MIA2: variants seen among roughly 807,000 people sequenced by gnomAD.
MIA2 encodes melanoma inhibitory activity protein 2.
A neutral mutation model predicts 167.8 loss-of-function variants in MIA2; 127 were observed. The observed-to-expected ratio is 0.76, with a 90% CI of 0.66 to 0.88. The LOEUF is 0.88. Ranked by LOEUF, MIA2 falls within the 40% of genes least tolerant of loss-of-function variation. The pLI is 0.00. For missense variants in MIA2, 1,690 were observed against 1,624.7 expected, an observed-to-expected ratio of 1.04 and a Z score of -0.69; for synonymous variants, 552 against 541.9, an observed-to-expected ratio of 1.02 and a Z score of -0.26.
At chr14:39,269,047 C>G (rs58047088) in intron 6 of MIA2, 2 of 711,014 alleles carry the variant, frequency 2.8e-6, no homozygotes, top group African/African-American at 2.0e-5. Flanking sequence ...TTTCTCTAGT[C>G]TGGTGCGTTG....
intron 23 of MIA2, among the ~76,000 whole-genome samples, chr14:39,366,135 G>T (rs1030249782): frequency 6.6e-6 from 1 of 152,338 alleles, no homozygotes; most frequent in Admixed American, 6.5e-5. Context: ...TTAGGCTGTA[G>T]TTGTTAGTGG....
chr14:39,270,292 C>A (rs1308432303), intron 6 of MIA2, among the ~76,000 whole-genome samples: 2 of 151,122 alleles, frequency 1.3e-5, no homozygotes, highest in Non-Finnish European at 2.9e-5. Flanking sequence ...GCCTCCACCT[C>A]CCAGGTTCAA....
At chr14:39,370,525 T>C (rs1484755652) in intron 23 of MIA2, 4 of 327,290 alleles carry the variant, frequency 1.2e-5, no homozygotes, top group South Asian at 3.2e-5. Context: ...CAGATTGTCA[T>C]GGAGACTGCG....
chr14:39,301,847 T>C (rs923363122), intron 14 of MIA2, among the ~76,000 whole-genome samples: 7 of 152,224 alleles, frequency 4.6e-5, no homozygotes, highest in African/African-American at 1.7e-4. Flanking sequence ...GTGAGAAATG[T>C]CATATAAAAA....
intron 25 of MIA2, among the ~76,000 whole-genome samples, chr14:39,341,472 C>G (rs1384735814): frequency 6.6e-6 from 1 of 152,048 alleles, no homozygotes; most frequent in Non-Finnish European, 1.5e-5. Context: ...AGATGCTATC[C>G]AGAGTGTAAT....
chr14:39,259,440 G>A (rs1367635406), intron 6 of MIA2, among the ~76,000 whole-genome samples: 1 of 152,254 alleles, frequency 6.6e-6, no homozygotes, highest in East Asian at 1.9e-4. Context: ...TCTCCGCAAG[G>A]AGCCTTGGCA....
intron 6 of MIA2, among the ~76,000 whole-genome samples, chr14:39,262,440 C>G (rs1032387424): frequency 2.0e-4 from 31 of 152,312 alleles, no homozygotes; most frequent in African/African-American, 7.5e-4. Context: ...AGTTTGAAGT[C>G]AGGTAGCATG....
rs560788791 is a variant in MIA2 at position 39,251,816 on chromosome 14, G to A, written c.1568-932G>A. Among the ~76,000 whole-genome samples the A allele has an allele frequency of 3.9e-5, 6 of 152,254 alleles. No individual in the cohort carries two copies. The South Asian group carries it at 1.0e-3, about 26-fold the overall frequency. On this transcript the variant is annotated intron_variant, in intron 4 of 28. Coordinates refer to ENST00000640607, the MANE Select transcript of MIA2 (RefSeq NM_001329214.4). ...CTATGTTAAGACTCACAAGCTCAAAGAGCAAAATTAGACATTGAACAATTC... is the reference window on the plus strand; with the variant it reads ...CTATGTTAAGACTCACAAGCTCAAAAAGCAAAATTAGACATTGAACAATTC...
At chr14:39,359,398 G>T (rs116719205) in intron 23 of MIA2, among the ~76,000 whole-genome samples, 2 of 152,186 alleles carry the variant, frequency 1.3e-5, no homozygotes, top group Admixed American at 6.5e-5. Flanking sequence ...AAGACCGTTG[G>T]AAAAACGCAG....
At chr14:39,292,638 A>G (rs773635314) in intron 10 of MIA2, 3 of 292,736 alleles carry the variant, frequency 1.0e-5, no homozygotes, top group African/African-American at 2.3e-5. Context: ...TTTGGCCTGC[A>G]TTAAAATCTT....
intron 4 of MIA2, among the ~76,000 whole-genome samples, chr14:39,252,205 A>G (rs1469735278): frequency 6.6e-6 from 1 of 152,162 alleles, no homozygotes; most frequent in Non-Finnish European, 1.5e-5. Context: ...CCCTGAGAAT[A>G]TGTTACTTTA....
At chr14:39,237,150 T>TGGGCGACAGAGCCA in intron 2 of MIA2, 95 bp downstream of exon 2, 2 of 1,361,908 alleles carry the variant, frequency 1.5e-6, no homozygotes, top group Non-Finnish European at 2.0e-6. Flanking sequence ...AAACAGGGCC[T>TGGGCGACAGAGCCA]GGCTCTGTCG....
At chr14:39,294,878 T>C in intron 12 of MIA2, 47 bp from the exon 13 acceptor site, 1 of 1,202,574 alleles carries the variant, frequency 8.3e-7, no homozygotes, top group Non-Finnish European at 1.2e-6. Flanking sequence ...AGATGAGCTA[T>C]GTATTAAATT....
At chr14:39,353,828 C>T (rs1209458557), downstream of MIA2, among the ~76,000 whole-genome samples, 3 of 152,066 alleles carry the variant, frequency 2.0e-5, no homozygotes, top group African/African-American at 4.8e-5. Flanking sequence ...GGTTTTTTGT[C>T]CTTGCGATAG....
chr14:39,362,804 G>C (rs1172596169), intron 23 of MIA2, among the ~76,000 whole-genome samples: 1 of 152,000 alleles, frequency 6.6e-6, no homozygotes, highest in Non-Finnish European at 1.5e-5. Context: ...CTTTTATATA[G>C]ATGTCTGTTG....
chr14:39,327,838 A>G (rs949432116), intron 25 of MIA2, among the ~76,000 whole-genome samples: 1 of 152,100 alleles, frequency 6.6e-6, no homozygotes, highest in African/African-American at 2.4e-5. Context: ...CATGGTGTGT[A>G]TGTGCCACAT....
intron 18 of MIA2, among the ~76,000 whole-genome samples, chr14:39,309,884 A>G (rs930800315): frequency 6.6e-6 from 1 of 151,896 alleles, no homozygotes; most frequent in Non-Finnish European, 1.5e-5. Context: ...ATGCCTAAGT[A>G]CACTGAAGAC....
At chr14:39,315,065 T>G (rs2065129006) in intron 20 of MIA2, 1 of 307,308 alleles carries the variant, frequency 3.3e-6, no homozygotes, top group South Asian at 1.6e-4. Flanking sequence ...GGTGGATCAC[T>G]TGAGGTCAGG....
chr14:39,296,864 C>T (rs926585697), intron 13 of MIA2, among the ~76,000 whole-genome samples: 4 of 151,748 alleles, frequency 2.6e-5, no homozygotes, highest in African/African-American at 9.7e-5. Flanking sequence ...CAACCTCCAC[C>T]TCCCGCGTTC....
Sources: gnomAD v4.1 joint callset for allele counts (sites outside exome capture counted in the v4.1 genomes callset) on GRCh38, gnomAD v4.1.1 for gene constraint, MANE v1.5 for transcripts, NCBI Gene and HGNC (gene_info 2026-07-23, HGNC 2026-07-21) for gene names.